Variants in MAPRE2 observed in about 807,000 individuals in gnomAD.
MAPRE2 encodes microtubule associated protein RP/EB family member 2.
Under a neutral mutation model 43.2 loss-of-function variants are expected in MAPRE2, and 13 were observed. The observed-to-expected ratio is 0.30, with a 90% CI of 0.20 to 0.48. The LOEUF is 0.48. MAPRE2 is among the 20% of genes least tolerant of loss of function. The pLI is 0.99. For missense variants in MAPRE2, 161 were observed against 400.2 expected, an observed-to-expected ratio of 0.40 and a Z score of 5.10; for synonymous variants, 135 against 148.8, an observed-to-expected ratio of 0.91 and a Z score of 0.68.
intron 6 of MAPRE2, among the ~76,000 whole-genome samples, chr18:35,136,723 T>C (rs1443773028): frequency 6.6e-6 from 1 of 152,210 alleles, no homozygotes; most frequent in Non-Finnish European, 1.5e-5. Context: ...AGCCAGGAGC[T>C]GTTGGAGCTT....
At chr18:35,085,006 A>G (rs924170735) in intron 2 of MAPRE2, among the ~76,000 whole-genome samples, 4 of 152,228 alleles carry the variant, frequency 2.6e-5, no homozygotes, top group South Asian at 4.1e-4. Flanking sequence ...AGGAATGTGA[A>G]GGATGCCTAT....
intron 4 of MAPRE2, among the ~76,000 whole-genome samples, chr18:35,103,869 G>A (rs534020044): frequency 6.6e-5 from 10 of 152,242 alleles, no homozygotes; most frequent in South Asian, 4.2e-4. Context: ...TGATTTCTCC[G>A]TTCAGTAGAA....
At chr18:35,136,617 A>G (rs1417525067) in intron 6 of MAPRE2, among the ~76,000 whole-genome samples, 1 of 152,192 alleles carries the variant, frequency 6.6e-6, no homozygotes, top group East Asian at 1.9e-4. Context: ...AGGTAGGGAG[A>G]AACTGCATGA....
intron 1 of MAPRE2, among the ~76,000 whole-genome samples, chr18:34,982,022 C>T (rs2097016658): frequency 6.6e-6 from 1 of 151,534 alleles, no homozygotes; most frequent in African/African-American, 2.4e-5. Flanking sequence ...GTAGCTGGGA[C>T]TACAGCCCCC....
rs148809026 is a variant in MAPRE2, at chr18:35,054,051, C to A, written c.122+12390C>A. On this transcript the variant is annotated intron_variant, in intron 1 of 6. Coordinates refer to ENST00000300249, the MANE Select transcript of MAPRE2 (RefSeq NM_014268.4). ...GAATAGCCAAAGCGTTGGATGCCCC[C>A]CTTTTAAAAATTTTTGTGGTGAAGA... 5.3e-5 allele frequency among the ~76,000 whole-genome samples: 8 copies of A among 152,274 alleles called. No homozygotes were observed. The East Asian group carries it at 1.5e-3, about 29-fold the overall frequency.
rs527520880 is a variant in MAPRE2 at position 34,994,193 on chromosome 18, G to A, written c.-69-11299G>A. Among the ~76,000 whole-genome samples, 5 of 152,014 alleles carry A rather than the reference G, an allele frequency of 3.3e-5. No homozygotes were observed. The South Asian group carries it at 1.0e-3, about 32-fold the overall frequency. ...GAAAAAGGAAACCATGTGGGATGGG[G>A]AGGGGCAAGAAAGAAGAAAAACAAG... is the stretch of plus-strand genomic sequence containing the variant. On this transcript the variant is annotated intron_variant, in intron 1 of 7. Coordinates refer to the MAPRE2 transcript ENST00000413393.
chr18:35,021,198 T>C (rs1017416223), intron 2 of MAPRE2, among the ~76,000 whole-genome samples: 38 of 152,188 alleles, frequency 2.5e-4, no homozygotes, highest in African/African-American at 8.2e-4. Context: ...AGACCATTAC[T>C]TAAGCTTTAT....
In MAPRE2 at chr18:35,101,940, T is replaced by C. The variant is rs761930826; in HGVS notation, c.397-6T>C. 1.3e-6 allele frequency: 2 copies of C among 1,585,680 alleles called. No homozygotes were observed. Among genetic ancestry groups the C allele is most frequent in the South Asian group, 2.3e-5 (2 of 86,440 alleles). Reference sequence around the variant, plus strand: ...TTGTAACTCACATAGTGATTTTTTATTGCAGGTAATTCCAGTGGAGAAGCT... The same window carrying C: ...TTGTAACTCACATAGTGATTTTTTACTGCAGGTAATTCCAGTGGAGAAGCT... On this transcript the variant is annotated splice_polypyrimidine_tract_variant and splice_region_variant and intron_variant, in intron 3 of 6. Coordinates refer to ENST00000300249, the MANE Select transcript of MAPRE2 (RefSeq NM_014268.4).
chr18:35,063,365 C>T (rs966563501), intron 1 of MAPRE2, among the ~76,000 whole-genome samples: 1 of 152,048 alleles, frequency 6.6e-6, no homozygotes, highest in African/African-American at 2.4e-5. Flanking sequence ...CCTTGTCCTC[C>T]CAAAGTGCTG....
intron 2 of MAPRE2, among the ~76,000 whole-genome samples, chr18:35,073,565 T>G (rs17559261): frequency 0.057 from 8,669 of 152,298 alleles, 349 homozygotes; most frequent in South Asian, 0.13. Context: ...TGATTTAAAA[T>G]GTCAACATCA....
chr18:35,096,824 A>T (rs1242296398), intron 2 of MAPRE2, among the ~76,000 whole-genome samples: 3 of 151,790 alleles, frequency 2.0e-5, no homozygotes, highest in South Asian at 2.1e-4. Flanking sequence ...AGTAATACTT[A>T]ATAAGTAATA....
intron 5 of MAPRE2, among the ~76,000 whole-genome samples, chr18:35,129,434 A>C (rs1910050492): frequency 6.6e-6 from 1 of 152,210 alleles, no homozygotes; most frequent in Admixed American, 6.5e-5. Flanking sequence ...CCATAAACTT[A>C]GAGGAGTCTC....
upstream of MAPRE2, among the ~76,000 whole-genome samples, chr18:35,036,833 A>G (rs895890705): frequency 1.3e-5 from 2 of 152,232 alleles, no homozygotes; most frequent in African/African-American, 4.8e-5. Context: ...AGTGCCTACT[A>G]TCTGCCAGGT....
chr18:34,981,526 A>C (rs1261862829), intron 1 of MAPRE2, among the ~76,000 whole-genome samples: 1 of 152,206 alleles, frequency 6.6e-6, no homozygotes. Flanking sequence ...TATAAGCTCT[A>C]AAGTGTTTGA....
intron 1 of MAPRE2, among the ~76,000 whole-genome samples, chr18:35,045,524 T>C (rs1905575333): frequency 6.6e-6 from 1 of 152,176 alleles, no homozygotes; most frequent in South Asian, 2.1e-4. Flanking sequence ...GCATTGGCCA[T>C]AACATCCAGC....
chr18:35,028,370 T>G (rs762079176), intron 2 of MAPRE2, among the ~76,000 whole-genome samples: 7 of 152,254 alleles, frequency 4.6e-5, no homozygotes, highest in Non-Finnish European at 1.0e-4. Flanking sequence ...TTGTAAGCAC[T>G]TGGATTCAAA....
chr18:35,058,383 G>T (rs533877147), intron 1 of MAPRE2, among the ~76,000 whole-genome samples: 1 of 152,124 alleles, frequency 6.6e-6, no homozygotes, highest in Non-Finnish European at 1.5e-5. Context: ...CAATCTCTAA[G>T]AGTAGAATAC....
intron 3 of MAPRE2, 81 bp downstream of exon 3, chr18:35,097,672 T>C: frequency 1.6e-6 from 2 of 1,267,492 alleles, no homozygotes; most frequent in Non-Finnish European, 2.2e-6. Context: ...TCCAGGAGCA[T>C]ACCAATGGGA....
At chr18:35,036,005 A>G (rs2097050367) in intron 2 of MAPRE2, among the ~76,000 whole-genome samples, 1 of 149,644 alleles carries the variant, frequency 6.7e-6, no homozygotes, top group South Asian at 2.2e-4. Flanking sequence ...CACCCATACT[A>G]CATGCTAGTA....
Sources: allele counts gnomAD v4.1 joint callset (sites outside exome capture counted in the v4.1 genomes callset), GRCh38; gene constraint gnomAD v4.1.1; transcripts MANE v1.5; gene names NCBI Gene and HGNC (gene_info 2026-07-23, HGNC 2026-07-21).